The following SNX29 variants were observed in gnomAD, a reference collection of about 807,000 sequenced individuals.
The protein encoded by SNX29 is sorting nexin 29.
Under a neutral mutation model 102.1 loss-of-function variants are expected in SNX29, and 78 were observed. The ratio of observed to expected loss-of-function variants is 0.76; its 90% CI spans 0.64 to 0.92. The LOEUF is 0.92. Among genes scored for constraint, SNX29 ranks in the 40% least tolerant of loss-of-function variants. The pLI, the probability that SNX29 is intolerant of heterozygous loss-of-function variation, is 0.00. For synonymous variants in SNX29, 580 were observed against 414.5 expected, an observed-to-expected ratio of 1.40 and a Z score of -4.85; for missense variants, 1,280 against 1,061.7, an observed-to-expected ratio of 1.21 and a Z score of -2.86.
chr16:12,125,440 C>T (rs1175331658), intron 11 of SNX29, among the ~76,000 whole-genome samples: 1 of 151,820 alleles, frequency 6.6e-6, no homozygotes, highest in African/African-American at 2.4e-5. Context: ...GTGCCTCGTC[C>T]AAGAGGCTGG....
intron 14 of SNX29, among the ~76,000 whole-genome samples, chr16:12,201,492 G>T (rs535729405): frequency 1.6e-4 from 25 of 152,346 alleles, no homozygotes; most frequent in African/African-American, 5.8e-4. Flanking sequence ...GCTTAGGAGA[G>T]CTTAAGGGGC....
chr16:12,266,134 A>C (rs189947392), intron 14 of SNX29, among the ~76,000 whole-genome samples: 1 of 152,068 alleles, frequency 6.6e-6, no homozygotes, highest in African/African-American at 2.4e-5. Flanking sequence ...CATGTTGCCC[A>C]GGTTGGTCTT....
Position 12,573,508 on chromosome 16 carries a change from G to A in SNX29, c.*4879G>A, listed in dbSNP as rs377693516. ...TTCTAGATTCACTGGTGGTTTAAGA[G>A]GCCCAGGGATTTAGTTCTTACTGGT... On this transcript the variant is annotated 3_prime_UTR_variant, in exon 21 of 21. Transcript: ENST00000566228. The A allele has an allele frequency of 2.7e-5, 6 of 225,026 alleles. No homozygotes were observed. The highest frequency in any genetic ancestry group is 1.3e-4 in the East Asian group (2 of 15,556). 13.9% of individuals were successfully genotyped at this position (225,026 alleles called of 1,614,324 possible).
chr16:12,346,440 AGAAACT>A (rs2081808835), intron 15 of SNX29, among the ~76,000 whole-genome samples: 2 of 152,194 alleles, frequency 1.3e-5, no homozygotes, highest in Non-Finnish European at 2.9e-5. Flanking sequence ...TTTATGGATG[AGAAACT>A]GAGGCCCAGA....
chr16:12,550,949 A>G (rs2141345715), intron 20 of SNX29, among the ~76,000 whole-genome samples: 1 of 152,300 alleles, frequency 6.6e-6, no homozygotes, highest in Non-Finnish European at 1.5e-5. Flanking sequence ...GTTGAATCAT[A>G]AAGGTAGAAT....
intron 18 of SNX29, among the ~76,000 whole-genome samples, chr16:12,428,334 G>A (rs559913265): frequency 2.7e-4 from 41 of 152,216 alleles, no homozygotes; most frequent in Admixed American, 1.8e-3. Flanking sequence ...CAGAACTCAG[G>A]GTGGTGTCCA....
At chr16:12,125,603 C>CTTTT (rs1273937330) in intron 11 of SNX29, among the ~76,000 whole-genome samples, 2 of 71,496 alleles carry the variant, frequency 2.8e-5, no homozygotes, top group African/African-American at 5.3e-5. Context: ...GCTGAGATCT[C>CTTTT]TCTTTTTTTT....
intron 16 of SNX29, among the ~76,000 whole-genome samples, chr16:12,379,371 C>T (rs1473178801): frequency 6.6e-6 from 1 of 152,210 alleles, no homozygotes; most frequent in Non-Finnish European, 1.5e-5. Flanking sequence ...ATCTACCTGC[C>T]TTGGCCTCCT....
intron 19 of SNX29, among the ~76,000 whole-genome samples, chr16:12,485,627 C>T (rs2088191438): frequency 6.6e-6 from 1 of 152,068 alleles, no homozygotes. Context: ...GAGGTGGGAG[C>T]GAGTGGACCT....
chr16:12,261,759 T>C (rs1329024925), intron 14 of SNX29, among the ~76,000 whole-genome samples: 24 of 74,330 alleles, frequency 3.2e-4, no homozygotes, highest in East Asian at 1.0e-3. Context: ...GGTCTGTGCG[T>C]GCGTCCCCGG....
chr16:12,352,255 C>T (rs1300193253), intron 15 of SNX29, among the ~76,000 whole-genome samples: 2 of 151,950 alleles, frequency 1.3e-5, no homozygotes, highest in Admixed American at 1.3e-4. Context: ...TCTCAGCAAA[C>T]TATGGCAAGG....
intron 14 of SNX29, among the ~76,000 whole-genome samples, chr16:12,224,674 G>A (rs144383368): frequency 1.5e-4 from 23 of 152,374 alleles, no homozygotes; most frequent in Admixed American, 6.5e-4. Flanking sequence ...AAAGCAGGGA[G>A]TATTGTTGAA....
chr16:12,134,992 C>T (rs908641830), intron 13 of SNX29, among the ~76,000 whole-genome samples: 1 of 152,140 alleles, frequency 6.6e-6, no homozygotes, highest in Non-Finnish European at 1.5e-5. Context: ...AGCCAGAGAA[C>T]CTGTGGTGTA....
intron 18 of SNX29, among the ~76,000 whole-genome samples, chr16:12,457,427 G>A (rs1400305766): frequency 1.3e-5 from 2 of 152,094 alleles, no homozygotes; most frequent in Admixed American, 6.5e-5. Flanking sequence ...TGATTGGGAG[G>A]CATCTGTCTG....
At chr16:12,555,911 A>G (rs1046187466) in intron 20 of SNX29, among the ~76,000 whole-genome samples, 1 of 151,818 alleles carries the variant, frequency 6.6e-6, no homozygotes, top group Admixed American at 6.6e-5. Context: ...CTCAAACCTT[A>G]TTTTTGCGTA....
intron 18 of SNX29, among the ~76,000 whole-genome samples, chr16:12,431,174 T>C (rs1218751410): frequency 6.6e-6 from 1 of 151,550 alleles, no homozygotes; most frequent in Non-Finnish European, 1.5e-5. Flanking sequence ...AAATGTGGAG[T>C]TGGGAGTGAG....
intron 18 of SNX29, among the ~76,000 whole-genome samples, chr16:12,440,942 T>C (rs1243286849): frequency 1.3e-5 from 2 of 152,218 alleles, no homozygotes. Flanking sequence ...TTTATATTTT[T>C]CTCTGCAGAT....
intron 20 of SNX29, among the ~76,000 whole-genome samples, chr16:12,547,497 G>A (rs549217161): frequency 1.3e-5 from 2 of 152,248 alleles, no homozygotes; most frequent in East Asian, 1.9e-4. Context: ...ACCAGAACTT[G>A]CTGGTTTCAA....
At chr16:12,563,541 C>T (rs921128702) in intron 20 of SNX29, among the ~76,000 whole-genome samples, 1 of 152,216 alleles carries the variant, frequency 6.6e-6, no homozygotes, top group Non-Finnish European at 1.5e-5. Context: ...TTGTCTCCCA[C>T]CACTACCTGA....
Sources: gnomAD v4.1 joint callset for allele counts (sites outside exome capture counted in the v4.1 genomes callset) on GRCh38, gnomAD v4.1.1 for gene constraint, MANE v1.5 for transcripts, NCBI Gene and HGNC (gene_info 2026-07-23, HGNC 2026-07-21) for gene names.